The following CCDC47 variants were observed in gnomAD, a reference collection of about 807,000 sequenced individuals.
The protein encoded by CCDC47 is PAT complex subunit CCDC47.
A neutral mutation model predicts 60.5 loss-of-function variants in CCDC47; 41 were observed. The observed-to-expected ratio is 0.68, with a 90% CI of 0.53 to 0.88. CCDC47 has a LOEUF of 0.88. Ranked by LOEUF, CCDC47 falls within the 40% of genes least tolerant of loss-of-function variation. CCDC47 has a pLI of 0.00. For missense variants in CCDC47, 513 were observed against 580.9 expected (o/e 0.88, Z 1.20); for synonymous variants, 195 against 190.7 (o/e 1.02, Z -0.18).
At chr17:63,748,975 C>T (rs1226152867) in intron 12 of CCDC47, among the ~76,000 whole-genome samples, 2 of 148,618 alleles carry the variant, frequency 1.3e-5, no homozygotes, top group Non-Finnish European at 3.0e-5. Context: ...GATTGTGCCA[C>T]TGCATTCCAG....
intron 1 of CCDC47, chr17:63,772,734 C>T (rs1329043061): frequency 2.0e-5 from 3 of 152,130 alleles, no homozygotes; most frequent in Non-Finnish European, 4.4e-5. Flanking sequence ...TAATGGAGAT[C>T]CTTCAAGGTT....
Position 63,764,074 on chromosome 17 carries a change from A to G in CCDC47, c.489T>C (p.Leu163=). The G allele has an allele frequency of 6.2e-7, 1 of 1,613,510 alleles. No homozygotes were observed. The highest frequency in any genetic ancestry group is 1.1e-5 in the South Asian group (1 of 90,902). ...TATGAGTGTTAAACCAGGCCTGTGC[A>G]AGGCGACTGTTTTTATTCTTCCCAA... ...YIIGKNKNSR[L]AQAWFNTHRE... is the part of the protein sequence containing the mutation. Residue 163 remains leucine (L), a synonymous_variant, in exon 4 of 13, where the codon CTT becomes CTC. Coordinates refer to ENST00000225726, the MANE Select transcript of CCDC47 (RefSeq NM_020198.3).
At chr17:63,751,780 A>T in intron 12 of CCDC47, 160 bp downstream of exon 12, 1 of 731,746 alleles carries the variant, frequency 1.4e-6, no homozygotes, top group South Asian at 1.5e-5. Context: ...AACAGGAAGG[A>T]TTATTTATTC....
At chr17:63,761,459 A>G in intron 4 of CCDC47, 108 bp from the exon 5 acceptor site, 1 of 1,162,212 alleles carries the variant, frequency 8.6e-7, no homozygotes, top group Non-Finnish European at 1.2e-6. Flanking sequence ...AGGTGGGTGG[A>G]TCACGAGGTC....
At chr17:63,758,658 C>T (rs2039226143) in intron 6 of CCDC47, among the ~76,000 whole-genome samples, 1 of 152,022 alleles carries the variant, frequency 6.6e-6, no homozygotes, top group Non-Finnish European at 1.5e-5. Flanking sequence ...GTTACTAGTA[C>T]TCTGGGCCAG....
chr17:63,753,231 T>C (rs1052745909), intron 9 of CCDC47: 1 of 886,964 alleles, frequency 1.1e-6, no homozygotes, highest in Non-Finnish European at 1.4e-6. Context: ...AGAGTAAATT[T>C]AGGGATAATC....
chr17:63,764,219 G>A (rs188339303), intron 3 of CCDC47, 29 bp from the exon 4 acceptor site: 2 of 1,532,192 alleles, frequency 1.3e-6, no homozygotes, highest in East Asian at 2.3e-5. Context: ...TCCATTAAAT[G>A]TTGGCTGAGA....
chr17:63,754,944 C>A (rs2144477904), intron 8 of CCDC47, among the ~76,000 whole-genome samples: 1 of 151,572 alleles, frequency 6.6e-6, no homozygotes, highest in South Asian at 2.1e-4. Context: ...ATACAATGTC[C>A]TTCATTAAGA....
rs187499558 is a variant in CCDC47, at chr17:63,758,491, T to C, written c.736-1921A>G. On this transcript the variant is annotated intron_variant, in intron 6 of 12. Coordinates refer to ENST00000225726, the MANE Select transcript of CCDC47 (RefSeq NM_020198.3). ...GGCAACATGAACTGCCTGGGCAACA[T>C]AGCAAATCTCGGTCTCTAGAAAAAA... Among the ~76,000 whole-genome samples the C allele has an allele frequency of 5.3e-5, 8 of 149,592 alleles. No homozygotes were observed. In the East Asian group the frequency reaches 1.2e-3, roughly 22 times the overall value.
rs2039234697 is a variant in CCDC47 at position 63,759,508 on chromosome 17, AATATATATATATATATATTTATATATAT to A, written c.735+1378_735+1405del. Among the ~76,000 whole-genome samples the A allele has an allele frequency of 6.6e-4, 13 of 19,648 alleles. 2 individuals carry two copies. Among genetic ancestry groups the A allele is most frequent in the Non-Finnish European group, 8.7e-4 (12 of 13,818 alleles). 12.9% of individuals were successfully genotyped at this position (19,648 alleles called of 152,430 possible). On this transcript the variant is annotated intron_variant, in intron 6 of 12. Coordinates refer to ENST00000225726, the MANE Select transcript of CCDC47 (RefSeq NM_020198.3). ...TGTCTCCCAAAAAAAAAAAAAAAAA[AATATATATATATATATATTTATATATAT>A]ATATATATATATATATATATATATA...
intron 1 of CCDC47, among the ~76,000 whole-genome samples, chr17:63,767,853 A>AT (rs1174715627): frequency 1.3e-5 from 2 of 151,882 alleles, no homozygotes; most frequent in Admixed American, 6.6e-5. Context: ...TATCAATCAC[A>AT]TTTTTCCAGT....
At position 63,761,239 on chromosome 17, in the gene CCDC47, G is replaced by A. The variant is rs1046709568; in HGVS notation, c.660C>T (p.Ile220=). Residue 220 remains isoleucine (I), a synonymous_variant, in exon 5 of 13, where the codon ATC becomes ATT. Coordinates refer to ENST00000225726, the MANE Select transcript of CCDC47 (RefSeq NM_020198.3). ...SGRVCCEGML[I]QLRFLKRQDL... is the part of the protein sequence containing the mutation. ...GAAGTTTCCTACTTACCCTCAGCTG[G>A]ATAAGCATGCCCTCACAGCACACTC... 6.2e-7 allele frequency: 1 copy of A among 1,614,086 alleles called. No individual in the cohort carries two copies. Among genetic ancestry groups the A allele is most frequent in the African/African-American group, 1.3e-5 (1 of 75,004 alleles).
intron 8 of CCDC47, among the ~76,000 whole-genome samples, chr17:63,755,995 A>C (rs932494431): frequency 2.6e-5 from 4 of 152,064 alleles, no homozygotes; most frequent in African/African-American, 9.7e-5. Context: ...TTCAAAAAAA[A>C]ACCTGAAAGT....
chr17:63,748,283 T>C (rs1163916524), intron 12 of CCDC47, among the ~76,000 whole-genome samples: 2 of 152,004 alleles, frequency 1.3e-5, no homozygotes, highest in East Asian at 3.9e-4. Flanking sequence ...CAGCTAATTT[T>C]TGTATTCTTA....
chr17:63,771,037 G>GA (rs1568253168), intron 1 of CCDC47, among the ~76,000 whole-genome samples: 17 of 54,690 alleles, frequency 3.1e-4, no homozygotes, highest in African/African-American at 9.6e-4. Flanking sequence ...AGGAAGGAAG[G>GA]AAGGAAGGAA....
At chr17:63,762,721 T>C (rs781289721) in intron 4 of CCDC47, among the ~76,000 whole-genome samples, 13 of 152,174 alleles carry the variant, frequency 8.5e-5, no homozygotes, top group African/African-American at 2.9e-4. Flanking sequence ...AAGTGTCAGA[T>C]TCTAAGGGAA....
intron 12 of CCDC47, among the ~76,000 whole-genome samples, chr17:63,748,245 TG>T (rs2039135143): frequency 6.6e-6 from 1 of 151,676 alleles, no homozygotes; most frequent in South Asian, 2.1e-4. Flanking sequence ...CCGGAGTAGG[TG>T]GGATTACAGG....
chr17:63,772,364 C>T (rs1421737538), intron 1 of CCDC47, among the ~76,000 whole-genome samples: 10 of 144,114 alleles, frequency 6.9e-5, no homozygotes, highest in African/African-American at 2.6e-4. Context: ...CGCCATTCTT[C>T]TGCCTCAGCC....
chr17:63,765,154 A>ACACACG (rs2144494032), intron 2 of CCDC47: 1 of 164,686 alleles, frequency 6.1e-6, no homozygotes, highest in South Asian at 2.0e-4. Flanking sequence ...ACACACACAC[A>ACACACG]CGGAGGCAAC....
Sources: gnomAD v4.1 joint callset for allele counts (sites outside exome capture counted in the v4.1 genomes callset) on GRCh38, gnomAD v4.1.1 for gene constraint, MANE v1.5 for transcripts, NCBI Gene and HGNC (gene_info 2026-07-23, HGNC 2026-07-21) for gene names.